BMP7: variants seen among roughly 807,000 people sequenced by gnomAD.
BMP7 encodes osteogenic protein 1.
In BMP7, 12 loss-of-function variants were observed where a neutral mutation model predicts 41.2. The ratio of observed to expected loss-of-function variants is 0.29; its 90% confidence interval spans 0.19 to 0.47. BMP7 has a LOEUF of 0.47. Ranked by LOEUF, BMP7 falls within the 20% of genes least tolerant of loss-of-function variation. The probability of loss-of-function intolerance (pLI) is 0.99; values close to 1 mark genes in which losing one functional copy is unlikely to be tolerated. For synonymous variants in BMP7, 248 were observed against 250.0 expected (o/e 0.99, Z 0.07); for missense variants, 467 against 606.0 (o/e 0.77, Z 2.41).
chr20:57,265,854 A>G lies in BMP7; in HGVS notation c.269T>C (p.Met90Thr). The G allele has an allele frequency of 6.2e-7, 1 of 1,607,028 alleles. No homozygotes were observed. Among genetic ancestry groups the G allele is most frequent in the Non-Finnish European group, 8.5e-7 (1 of 1,177,168 alleles). The change falls in exon 1 of 7, where the codon ATG becomes ACG. Residue 90 changes from methionine (M) to threonine (T), a missense_variant. Met to Thr is a moderately conservative substitution (Grantham distance 81, BLOSUM62 -1). Coordinates refer to ENST00000395863, the MANE Select transcript of BMP7 (RefSeq NM_001719.3). The stretch of plus-strand genomic sequence containing the variant: ...GGGCCCGCCGCCCTCCTCCACCGCC[A>G]TGGCGTTGTACAGGTCCAGCATGAA... Reference protein sequence around the residue: ...PMFMLDLYNAMAVEEGGGPGG... With the variant: ...PMFMLDLYNATAVEEGGGPGG...
chr20:57,227,557 G>A (rs1033767434), intron 2 of BMP7, among the ~76,000 whole-genome samples: 1 of 152,110 alleles, frequency 6.6e-6, no homozygotes, highest in Non-Finnish European at 1.5e-5. Flanking sequence ...TGCCCAGTGG[G>A]GACGGTAGAT....
intron 1 of BMP7, among the ~76,000 whole-genome samples, chr20:57,256,730 T>A (rs1184756470): frequency 3.3e-5 from 5 of 151,354 alleles, no homozygotes; most frequent in Admixed American, 2.6e-4. Flanking sequence ...TAAAAAAAAA[T>A]AACAAAAATT....
chr20:57,186,083 A>T (rs1022600365), intron 3 of BMP7, among the ~76,000 whole-genome samples: 2 of 152,234 alleles, frequency 1.3e-5, no homozygotes, highest in African/African-American at 4.8e-5. Flanking sequence ...GCAGTGGTCC[A>T]GACAGTAATG....
intron 2 of BMP7, among the ~76,000 whole-genome samples, chr20:57,207,811 GTTTTTTTTTTTT>G (rs572613876): frequency 9.1e-6 from 1 of 109,982 alleles, no homozygotes; most frequent in African/African-American, 4.1e-5. Flanking sequence ...ACCCCAGTTG[GTTTTTTTTTTTT>G]TTTTTTTTTT....
chr20:57,257,641 A>G (rs1054590890), intron 1 of BMP7, among the ~76,000 whole-genome samples: 3 of 152,160 alleles, frequency 2.0e-5, no homozygotes, highest in African/African-American at 7.2e-5. Context: ...GGAATTGGAG[A>G]TCAAAAGCAT....
At chr20:57,252,581 A>G (rs1004439481) in intron 1 of BMP7, among the ~76,000 whole-genome samples, 7 of 152,218 alleles carry the variant, frequency 4.6e-5, no homozygotes, top group African/African-American at 1.4e-4. Context: ...GCAGTCAAGT[A>G]TTTTGGTTCC....
intron 5 of BMP7, chr20:57,173,729 G>A (rs888184825): frequency 4.9e-5 from 13 of 265,406 alleles, no homozygotes; most frequent in Middle Eastern, 1.3e-3. Flanking sequence ...TGGACAGAAC[G>A]CGGCACAGGA....
At position 57,174,213 on chromosome 20, in the gene BMP7, G is replaced by A. The variant is rs1450159187; in HGVS notation, c.1035+718C>T. ...GTAGAATACCACCAGTTGCCCTGAT[G>A]ACCTCATGACAATACCCTCTCCAGG... On this transcript the variant is annotated intron_variant, in intron 5 of 6. Transcript: ENST00000395863. This position sits in a 1 kb window ranked among gnomAD's most constrained non-coding sequence, Gnocchi z 4.3. Among the ~76,000 whole-genome samples the A allele has an allele frequency of 2.0e-5, 3 of 152,092 alleles. No homozygotes were observed. The highest frequency in any genetic ancestry group is 7.2e-5 in the African/African-American group (3 of 41,396).
intron 2 of BMP7, among the ~76,000 whole-genome samples, chr20:57,218,550 T>C (rs541884311): frequency 4.0e-5 from 6 of 149,576 alleles, no homozygotes; most frequent in East Asian, 3.9e-4. Flanking sequence ...TGGTAGCTGG[T>C]GTTTTGTAGT....
At chr20:57,216,659 A>T (rs1456085959) in intron 2 of BMP7, among the ~76,000 whole-genome samples, 1 of 151,748 alleles carries the variant, frequency 6.6e-6, no homozygotes, top group Non-Finnish European at 1.5e-5. Flanking sequence ...TTCTCCATAG[A>T]CCTTGACTCC....
intron 3 of BMP7, among the ~76,000 whole-genome samples, chr20:57,192,767 C>A (rs1407020945): frequency 2.0e-5 from 3 of 147,476 alleles, no homozygotes; most frequent in African/African-American, 5.0e-5. Flanking sequence ...AAAAAAAAAA[C>A]AAAAACAGGG....
chr20:57,198,380 T>A (rs1455640578), intron 3 of BMP7, among the ~76,000 whole-genome samples: 1 of 151,712 alleles, frequency 6.6e-6, no homozygotes, highest in Non-Finnish European at 1.5e-5. Flanking sequence ...CTGGAACAAG[T>A]GGAGAGGCTG....
chr20:57,264,992 T>C (rs1189755743), intron 1 of BMP7, among the ~76,000 whole-genome samples: 2 of 129,440 alleles, frequency 1.5e-5, no homozygotes, highest in East Asian at 2.2e-4. Context: ...GATCGCGCCA[T>C]TGCACTCCAG....
chr20:57,169,807 AG>A lies in BMP7; in HGVS notation c.*1151del. ...AGTCTTGTTTTGTCACCCAAGCTGG[AG>A]TGCAGTGGGACGATCTTGGCTCACT... On this transcript the variant is annotated 3_prime_UTR_variant, in exon 7 of 7. Coordinates refer to ENST00000395863, the MANE Select transcript of BMP7 (RefSeq NM_001719.3). 6.6e-6 allele frequency: 1 copy of A among 151,980 alleles called. No individual in the cohort carries two copies. Among genetic ancestry groups the A allele is most frequent in the South Asian group, 2.1e-4 (1 of 4,800 alleles). The allele number at this position is 151,980 out of a possible 1,614,324, so 9.4% of individuals were successfully genotyped here.
In BMP7 at chr20:57,168,928, C is replaced by T. The variant is rs1393941079; in HGVS notation, c.*2031G>A. The stretch of plus-strand genomic sequence containing the variant: ...GGTTGAAGGAAAGCAAGCTCATCGT[C>T]CTGAACGAGGGATTAAAGGGGGGGG... On this transcript the variant is annotated 3_prime_UTR_variant, in exon 7 of 7. Transcript: ENST00000395863. 7.1e-6 allele frequency: 1 copy of T among 141,086 alleles called. No homozygotes were observed. The highest frequency in any genetic ancestry group is 1.6e-5 in the Non-Finnish European group (1 of 64,264). The allele number at this position is 141,086 out of a possible 1,614,324, so 8.7% of individuals were successfully genotyped here.
At chr20:57,257,247 G>A (rs1241519246) in intron 1 of BMP7, among the ~76,000 whole-genome samples, 1 of 152,154 alleles carries the variant, frequency 6.6e-6, no homozygotes, top group African/African-American at 2.4e-5. Context: ...CTGACCAGAT[G>A]AAGGGTCATC....
At chr20:57,253,748 T>A (rs1003635762) in intron 1 of BMP7, among the ~76,000 whole-genome samples, 22 of 151,324 alleles carry the variant, frequency 1.5e-4, no homozygotes, top group Non-Finnish European at 2.4e-4. Flanking sequence ...TTAAAAAAAA[T>A]AAATAAACTT....
rs1028509059 is a variant in BMP7 at position 57,171,310 on chromosome 20, C to A, written c.1147-202G>T. Among the ~76,000 whole-genome samples the A allele has an allele frequency of 2.0e-5, 3 of 152,168 alleles. No homozygotes were observed. The highest frequency in any genetic ancestry group is 7.2e-5 in the African/African-American group (3 of 41,432). On this transcript the variant is annotated intron_variant, in intron 6 of 6. Transcript: ENST00000395863. This position sits in a 1 kb window ranked among gnomAD's most constrained non-coding sequence, Gnocchi z 4.5. ...TATCCCTGTTTTGCAGACAAGGGAA[C>A]CAAAGCATAGAGGTTTTCACATTAT...
intron 2 of BMP7, among the ~76,000 whole-genome samples, chr20:57,225,081 A>G: frequency 6.6e-6 from 1 of 152,192 alleles, no homozygotes; most frequent in Non-Finnish European, 1.5e-5. Flanking sequence ...AGGCAGCCAC[A>G]TGGCGGGGAC....
Sources: allele counts gnomAD v4.1 joint callset (sites outside exome capture counted in the v4.1 genomes callset), GRCh38; gene constraint gnomAD v4.1.1; non-coding constraint Gnocchi (gnomAD v3.1); transcripts MANE v1.5; gene names NCBI Gene and HGNC (gene_info 2026-07-23, HGNC 2026-07-21).